Variants in TPP2 observed in about 807,000 individuals in gnomAD.
The protein encoded by TPP2 is tripeptidyl-peptidase 2.
Under a neutral mutation model 155.9 loss-of-function variants are expected in TPP2, and 34 were observed. That is an observed-to-expected ratio of 0.22 (90% CI 0.17 to 0.29). The LOEUF (loss-of-function observed/expected upper bound fraction) is 0.29, where lower values mean the gene tolerates loss of function less well. Among genes scored for constraint, TPP2 ranks in the 10% least tolerant of loss-of-function variants. The pLI, the probability that TPP2 is intolerant of heterozygous loss-of-function variation, is 1.00. For missense variants in TPP2, 1,028 were observed against 1,522.3 expected (o/e 0.68, Z 5.40); for synonymous variants, 510 against 529.4 (o/e 0.96, Z 0.50).
chr13:102,604,393 C>G lies in TPP2; in HGVS notation c.166-400C>G, dbSNP rs114073359. On this transcript the variant is annotated intron_variant, in intron 1 of 29. Coordinates refer to ENST00000376052, the MANE Select transcript of TPP2 (RefSeq NM_001330588.2). Reference sequence around the variant, plus strand: ...GTTAATTTTCACCATCTGACATGTTCTTTTTTTTCCCTAATACCCAGTGTG... The same window carrying G: ...GTTAATTTTCACCATCTGACATGTTGTTTTTTTTCCCTAATACCCAGTGTG... Among the ~76,000 whole-genome samples the G allele has an allele frequency of 4.9e-3, 745 of 152,092 alleles. 6 individuals carry two copies. The highest frequency in any genetic ancestry group is 0.017 in the African/African-American group (708 of 41,480).
chr13:102,606,512 A>G (rs1402131678), intron 2 of TPP2, among the ~76,000 whole-genome samples: 1 of 152,172 alleles, frequency 6.6e-6, no homozygotes, highest in Non-Finnish European at 1.5e-5. Flanking sequence ...ATTTCATTGC[A>G]GCTGTAAAAC....
rs1170912959 is a variant in TPP2, at chr13:102,623,108, CT to C, written c.784+69del. ...GTGATAAAGTGGTACGTTGCGATAGCTCACAGCAACCTTCTAGAGAATTTTA... is the reference window on the plus strand; with the variant it reads ...GTGATAAAGTGGTACGTTGCGATAGCCACAGCAACCTTCTAGAGAATTTTA... On this transcript the variant is annotated intron_variant, in intron 6 of 29. Coordinates refer to ENST00000376052, the MANE Select transcript of TPP2 (RefSeq NM_001330588.2). 4 of 1,482,548 alleles carry C rather than the reference CT, an allele frequency of 2.7e-6. No homozygotes were observed. The East Asian group carries it at 7.0e-5, about 26-fold the overall frequency. The allele number at this position is 1,482,548 out of a possible 1,614,324, so 91.8% of individuals were successfully genotyped here.
At chr13:102,662,617 A>AT (rs977186673) in intron 25 of TPP2, among the ~76,000 whole-genome samples, 4 of 151,970 alleles carry the variant, frequency 2.6e-5, no homozygotes, top group African/African-American at 7.3e-5. Context: ...ACAGGACTTA[A>AT]TTTTTTTTGT....
intron 27 of TPP2, among the ~76,000 whole-genome samples, chr13:102,672,180 G>A (rs1478416885): frequency 3.3e-5 from 5 of 152,128 alleles, no homozygotes; most frequent in Non-Finnish European, 7.3e-5. Flanking sequence ...GAAACAGCAG[G>A]CTAGGGACTG....
chr13:102,677,155 C>G (rs543448536), intron 29 of TPP2, among the ~76,000 whole-genome samples: 5 of 152,152 alleles, frequency 3.3e-5, no homozygotes, highest in African/African-American at 1.2e-4. Flanking sequence ...TTTTGTTTAC[C>G]TTCACCAGTC....
chr13:102,649,591 A>G (rs1717876610), intron 23 of TPP2, 105 bp downstream of exon 23: 3 of 944,080 alleles, frequency 3.2e-6, no homozygotes, highest in African/African-American at 3.4e-5. Context: ...GAGAAGATAT[A>G]CTCTTGGGGA....
At chr13:102,628,008 C>A in intron 8 of TPP2, 84 bp downstream of exon 8, 2 of 1,095,454 alleles carry the variant, frequency 1.8e-6, no homozygotes, top group South Asian at 2.8e-5. Context: ...GATTGAGTGT[C>A]ACGGTGGAAG....
intron 5 of TPP2, 105 bp downstream of exon 5, chr13:102,618,951 T>C (rs955141525): frequency 1.5e-6 from 2 of 1,368,624 alleles, no homozygotes. Context: ...TTATTCGTGA[T>C]ATCACTCAGC....
At chr13:102,634,132 C>G in intron 11 of TPP2, 34 bp downstream of exon 11, 4 of 1,609,516 alleles carry the variant, frequency 2.5e-6, no homozygotes, top group Non-Finnish European at 3.4e-6. Context: ...TACATTATTG[C>G]AGACCAATAT....
In TPP2 at chr13:102,665,838, T is replaced by TA. The variant is rs201603026; in HGVS notation, c.3371+914dup. The stretch of plus-strand genomic sequence containing the variant: ...AGTCAGTATTTTTTTCTACATAAAA[T>TA]ACTTGGATTCCAAACTGCTAGAATT... On this transcript the variant is annotated intron_variant, in intron 27 of 29. Coordinates refer to ENST00000376052, the MANE Select transcript of TPP2 (RefSeq NM_001330588.2). Among the ~76,000 whole-genome samples the TA allele has an allele frequency of 9.2e-3, 1,406 of 152,346 alleles. 21 individuals are homozygous for TA. Among genetic ancestry groups the TA allele is most frequent in the African/African-American group, 0.032 (1,317 of 41,580 alleles).
intron 29 of TPP2, among the ~76,000 whole-genome samples, chr13:102,678,011 G>A (rs1218331966): frequency 1.3e-5 from 2 of 152,130 alleles, no homozygotes; most frequent in Non-Finnish European, 2.9e-5. Context: ...TAGGGATAAT[G>A]ATGAGAACAA....
At chr13:102,625,700 G>A (rs1161011982) in intron 6 of TPP2, among the ~76,000 whole-genome samples, 1 of 152,190 alleles carries the variant, frequency 6.6e-6, no homozygotes, top group African/African-American at 2.4e-5. Context: ...AACATTGGGC[G>A]AATGTTTTCT....
chr13:102,641,162 A>G (rs771259168), intron 16 of TPP2, among the ~76,000 whole-genome samples: 2 of 152,202 alleles, frequency 1.3e-5, no homozygotes, highest in African/African-American at 2.4e-5. Context: ...GAGAGTGCTC[A>G]TGTCATTCTT....
At position 102,622,863 on chromosome 13, in the gene TPP2, T is replaced by C. The variant is rs768288037; in HGVS notation, c.621-14T>C. 4.4e-6 allele frequency: 7 copies of C among 1,589,732 alleles called. No individual in the cohort carries two copies. The highest frequency in any genetic ancestry group is 6.0e-6 in the Non-Finnish European group (7 of 1,173,304). On this transcript the variant is annotated splice_polypyrimidine_tract_variant and intron_variant, in intron 5 of 29. Transcript: ENST00000376052. ...AAATAAATTTTACTGTCTCCATTTC[T>C]TTTTAATTAATAGAGCCTGCATTGA...
chr13:102,625,944 G>A (rs1261943993), intron 6 of TPP2, among the ~76,000 whole-genome samples: 1 of 152,150 alleles, frequency 6.6e-6, no homozygotes, highest in Admixed American at 6.5e-5. Flanking sequence ...TCACTAAAAG[G>A]CTAGTTTTTT....
intron 17 of TPP2, among the ~76,000 whole-genome samples, chr13:102,644,343 G>C (rs535807953): frequency 6.6e-6 from 1 of 152,086 alleles, no homozygotes; most frequent in African/African-American, 2.4e-5. Flanking sequence ...GAAGCATAGG[G>C]TTATGAGTAA....
intron 6 of TPP2, among the ~76,000 whole-genome samples, chr13:102,626,710 G>A (rs1037025510): frequency 7.2e-5 from 11 of 152,094 alleles, no homozygotes; most frequent in African/African-American, 2.2e-4. Context: ...ACATCTTTTC[G>A]TGTGTTTATT....
At chr13:102,643,488 T>G (rs1302951979) in intron 17 of TPP2, 112 bp downstream of exon 17, 5 of 1,121,956 alleles carry the variant, frequency 4.5e-6, no homozygotes, top group Non-Finnish European at 5.8e-6. Context: ...ATGTTGGGAT[T>G]ATATATTTTT....
In TPP2 at chr13:102,622,922, C is replaced by T. The variant is rs149008480; in HGVS notation, c.666C>T (p.Thr222=). 280 of 1,613,940 alleles carry T rather than the reference C, an allele frequency of 1.7e-4. No homozygotes were observed. In the African/African-American group the frequency reaches 2.9e-3, roughly 16 times the overall value. Reference sequence around the variant, plus strand: ...AAGATGGGGACTTGAGTAAATCTACCGTGTTGAGAAACTACAAAGAAGCCC... The same window carrying T: ...AAGATGGGGACTTGAGTAAATCTACTGTGTTGAGAAACTACAAAGAAGCCC... ...SNEDGDLSKS[T]VLRNYKEAQE... is the part of the protein sequence containing the mutation. The change falls in exon 6 of 30, where the codon ACC becomes ACT. Residue 222 remains threonine, a synonymous_variant. Coordinates refer to ENST00000376052, the MANE Select transcript of TPP2 (RefSeq NM_001330588.2).
Sources: allele counts gnomAD v4.1 joint callset (sites outside exome capture counted in the v4.1 genomes callset), GRCh38; gene constraint gnomAD v4.1.1; transcripts MANE v1.5; gene names NCBI Gene and HGNC (gene_info 2026-07-23, HGNC 2026-07-21).